Variants in SOCS2 observed in about 807,000 individuals in gnomAD.
SOCS2 encodes the protein suppressor of cytokine signaling 2, also known as CIS-2.
SOCS2 carries 10 observed loss-of-function variants against 18.6 expected under a neutral mutation model. That is an observed-to-expected ratio of 0.54 (90% CI 0.33 to 0.91). SOCS2 has a LOEUF of 0.91. SOCS2 is among the 40% of genes least tolerant of loss of function. The pLI is 0.02. For missense variants in SOCS2, 231 were observed against 247.2 expected (o/e 0.93, Z 0.44); for synonymous variants, 104 against 104.0 (o/e 1.00, Z 0.00).
the SOCS2 span, among the ~76,000 whole-genome samples, chr12:93,597,335 C>CT: frequency 4.9e-3 from 724 of 148,906 alleles, 3 homozygotes; most frequent in South Asian, 8.1e-3. Flanking sequence ...TTTCAAATCC[C>CT]TTTTTTTTTT....
At chr12:93,590,380 T>G in the SOCS2 span, among the ~76,000 whole-genome samples, 2 of 152,214 alleles carry the variant, frequency 1.3e-5, no homozygotes, top group Non-Finnish European at 2.9e-5. Flanking sequence ...CAATAACATT[T>G]CTCAATCTGG....
At chr12:93,603,444 G>A in the SOCS2 span, among the ~76,000 whole-genome samples, 1 of 146,172 alleles carries the variant, frequency 6.8e-6, no homozygotes, top group East Asian at 1.9e-4. Context: ...AGTTAGTACA[G>A]CCTAAGGCTA....
the SOCS2 span, among the ~76,000 whole-genome samples, chr12:93,613,236 T>C: frequency 2.0e-5 from 3 of 152,038 alleles, no homozygotes; most frequent in Admixed American, 6.5e-5. Context: ...TCTGTATAAA[T>C]AGAAAAAAGG....
downstream of SOCS2, among the ~76,000 whole-genome samples, chr12:93,580,631 A>AG (rs1220623377): frequency 6.6e-6 from 1 of 151,564 alleles, no homozygotes; most frequent in Non-Finnish European, 1.5e-5. Flanking sequence ...AAAAAAAAAA[A>AG]AAAAAAAAAG....
chr12:93,623,791 G>A, the SOCS2 span, among the ~76,000 whole-genome samples: 10 of 151,830 alleles, frequency 6.6e-5, no homozygotes, highest in African/African-American at 1.5e-4. Context: ...TGCAACCTCC[G>A]CCTCCCGAGC....
the SOCS2 span, among the ~76,000 whole-genome samples, chr12:93,590,877 T>C: frequency 2.0e-5 from 3 of 149,192 alleles, no homozygotes; most frequent in Non-Finnish European, 4.4e-5. Context: ...ATTTATATTA[T>C]AATTATTTGA....
At chr12:93,618,193 G>A in the SOCS2 span, among the ~76,000 whole-genome samples, 6 of 152,160 alleles carry the variant, frequency 3.9e-5, no homozygotes, top group South Asian at 1.0e-3. Flanking sequence ...GTTTCCTGAG[G>A]CCTCCCCAGA....
chr12:93,571,305 G>A (rs1029791970), upstream of SOCS2: 4 of 152,196 alleles, frequency 2.6e-5, no homozygotes, highest in African/African-American at 9.7e-5. Context: ...GCCGGGGAGC[G>A]GCGGACGGCC....
At chr12:93,580,618 CAA>C (rs35305411), downstream of SOCS2, among the ~76,000 whole-genome samples, 29 of 73,122 alleles carry the variant, frequency 4.0e-4, no homozygotes, top group South Asian at 1.1e-3. Flanking sequence ...GAGACTGTCT[CAA>C]AAAAAAAAAA....
the SOCS2 span, among the ~76,000 whole-genome samples, chr12:93,614,379 TTCTTTCTTTCTTTC>T: frequency 4.7e-5 from 6 of 127,184 alleles, no homozygotes; most frequent in Admixed American, 4.7e-4. Flanking sequence ...CTTTCTTTCT[TTCTTTCTTTCTTTC>T]TTTCTTTCTT....
chr12:93,592,500 A>G, the SOCS2 span, among the ~76,000 whole-genome samples: 1 of 152,198 alleles, frequency 6.6e-6, no homozygotes, highest in Non-Finnish European at 1.5e-5. Context: ...TGTTGAGTAC[A>G]TTCTTAGAAG....
At chr12:93,606,200 G>T in the SOCS2 span, among the ~76,000 whole-genome samples, 4 of 152,174 alleles carry the variant, frequency 2.6e-5, no homozygotes, top group Non-Finnish European at 5.9e-5. Flanking sequence ...GCATCTGGCT[G>T]CAAGGAAAGC....
At chr12:93,571,483 C>T (rs1225929043), upstream of SOCS2, 1 of 163,598 alleles carries the variant, frequency 6.1e-6, no homozygotes. Context: ...AATAATCCTC[C>T]TAATAACCTG....
chr12:93,588,931 G>A, the SOCS2 span, among the ~76,000 whole-genome samples: 1 of 152,224 alleles, frequency 6.6e-6, no homozygotes, highest in African/African-American at 2.4e-5. Context: ...CTGACAGAGT[G>A]AATTTGTTGA....
chr12:93,611,463 CTGACCTCAAG>C, the SOCS2 span, among the ~76,000 whole-genome samples: 15 of 152,278 alleles, frequency 9.9e-5, no homozygotes, highest in African/African-American at 3.6e-4. Flanking sequence ...TTTCTAACTC[CTGACCTCAAG>C]TGATCCGCCT....
chr12:93,580,028 G>T (rs1358701298), downstream of SOCS2, among the ~76,000 whole-genome samples: 1 of 152,174 alleles, frequency 6.6e-6, no homozygotes, highest in Non-Finnish European at 1.5e-5. Context: ...TTAGAGAAAG[G>T]CTTGCCAGAG....
At chr12:93,602,187 G>A in the SOCS2 span, among the ~76,000 whole-genome samples, 1 of 152,138 alleles carries the variant, frequency 6.6e-6, no homozygotes. Context: ...CCATCTCCAG[G>A]GCTCAAGCAA....
chr12:93,597,948 G>A, the SOCS2 span, among the ~76,000 whole-genome samples: 1 of 152,176 alleles, frequency 6.6e-6, no homozygotes, highest in Admixed American at 6.5e-5. Flanking sequence ...ATTCACATAA[G>A]TCAACAAATA....
At chr12:93,580,429 T>G (rs1954522343), downstream of SOCS2, among the ~76,000 whole-genome samples, 1 of 152,010 alleles carries the variant, frequency 6.6e-6, no homozygotes, top group African/African-American at 2.4e-5. Flanking sequence ...CGAGCCAGCC[T>G]GGCCAACATG....
Sources: allele counts gnomAD v4.1 joint callset (sites outside exome capture counted in the v4.1 genomes callset), GRCh38; gene constraint gnomAD v4.1.1; transcripts MANE v1.5; gene names NCBI Gene and HGNC (gene_info 2026-07-23, HGNC 2026-07-21).